The following COL23A1 variants were observed in gnomAD, a reference collection of about 807,000 sequenced individuals.
COL23A1 encodes the protein collagen alpha-1(XXIII) chain.
A neutral mutation model predicts 99.3 loss-of-function variants in COL23A1; 97 were observed. The ratio of observed to expected loss-of-function variants is 0.98; its 90% CI spans 0.83 to 1.16. COL23A1 has a LOEUF of 1.16. COL23A1 is among the 50% of genes most tolerant of loss of function. The pLI is 0.00. For synonymous variants in COL23A1, 320 were observed against 308.2 expected (o/e 1.04, Z -0.40); for missense variants, 762 against 757.4 (o/e 1.01, Z -0.07).
intron 2 of COL23A1, among the ~76,000 whole-genome samples, chr5:178,403,110 A>C: frequency 1.0e-5 from 1 of 99,504 alleles, no homozygotes; most frequent in Admixed American, 1.1e-4. Context: ...CTCCATCTCA[A>C]AAAAAAAAAA....
chr5:178,389,217 GC>G (rs888657575), intron 2 of COL23A1, among the ~76,000 whole-genome samples: 4 of 151,880 alleles, frequency 2.6e-5, no homozygotes. Context: ...AATTTTTGCT[GC>G]CTGGAAGCGG....
intron 3 of COL23A1, among the ~76,000 whole-genome samples, chr5:178,299,771 T>C (rs1757932350): frequency 6.6e-6 from 1 of 152,152 alleles, no homozygotes; most frequent in Admixed American, 6.5e-5. Context: ...CTTATTTATT[T>C]GAGACTGAGA....
chr5:178,304,507 A>C (rs909511418), intron 3 of COL23A1, among the ~76,000 whole-genome samples: 4 of 92,918 alleles, frequency 4.3e-5, no homozygotes, highest in African/African-American at 3.0e-4. Context: ...GACTGTCTCA[A>C]AAAAAAAAAA....
At chr5:178,518,437 C>T (rs551770917) in intron 2 of COL23A1, among the ~76,000 whole-genome samples, 8 of 150,534 alleles carry the variant, frequency 5.3e-5, no homozygotes, top group South Asian at 4.2e-4. Context: ...GGGTGGTGGC[C>T]GGGCAGAGGG....
At chr5:178,513,132 A>G (rs1759303898) in intron 2 of COL23A1, among the ~76,000 whole-genome samples, 1 of 150,770 alleles carries the variant, frequency 6.6e-6, no homozygotes, top group Non-Finnish European at 1.5e-5. Context: ...TGACCACCTC[A>G]TTCCAGAGGG....
chr5:178,348,382 G>C (rs1007538012), intron 2 of COL23A1, among the ~76,000 whole-genome samples: 1 of 152,278 alleles, frequency 6.6e-6, no homozygotes, highest in East Asian at 1.9e-4. Context: ...CAGGCAGAAG[G>C]CCACCCTAAA....
At chr5:178,330,093 G>C (rs1759926115) in intron 2 of COL23A1, among the ~76,000 whole-genome samples, 1 of 152,190 alleles carries the variant, frequency 6.6e-6, no homozygotes, top group African/African-American at 2.4e-5. Flanking sequence ...TCCCAGGAGG[G>C]AGAGTATTCA....
chr5:178,356,137 C>T lies in COL23A1; in HGVS notation c.362-49218G>A, dbSNP rs111543067. ...AGAAGACCCCAGGCTTAGGGCCCCA[C>T]TCTAAGAAATGTCCAGAATAGGCAA... On this transcript the variant is annotated intron_variant, in intron 2 of 28. Coordinates refer to ENST00000390654, the MANE Select transcript of COL23A1 (RefSeq NM_173465.4). Among the ~76,000 whole-genome samples the T allele has an allele frequency of 2.9e-3, 448 of 152,280 alleles. 2 individuals are homozygous for T. Among genetic ancestry groups the T allele is most frequent in the African/African-American group, 0.01 (419 of 41,560 alleles).
intron 2 of COL23A1, among the ~76,000 whole-genome samples, chr5:178,444,844 T>C (rs979092440): frequency 1.4e-4 from 21 of 152,190 alleles, no homozygotes; most frequent in African/African-American, 4.8e-4. Flanking sequence ...ACAAGTTCTT[T>C]AAGCCCTTTC....
chr5:178,280,057 T>C lies in COL23A1; in HGVS notation c.441+8267A>G, dbSNP rs1263598801. ...TAACGAGAACACAGTAAATACCCGC[T>C]GAATGGATCAACAACGGTGAAGGGA... On this transcript the variant is annotated intron_variant, in intron 5 of 28. Transcript: ENST00000390654. The surrounding 1 kb of genome is among the most constrained non-coding windows in gnomAD (Gnocchi z 4.9). Among the ~76,000 whole-genome samples, 1 of 152,242 alleles carries C rather than the reference T, an allele frequency of 6.6e-6. No individual in the cohort carries two copies. Among genetic ancestry groups the C allele is most frequent in the Non-Finnish European group, 1.5e-5 (1 of 68,042 alleles).
chr5:178,405,706 A>T (rs968709322), intron 2 of COL23A1, among the ~76,000 whole-genome samples: 1 of 152,238 alleles, frequency 6.6e-6, no homozygotes, highest in African/African-American at 2.4e-5. Flanking sequence ...AAATACAATT[A>T]CTTACACATT....
intron 9 of COL23A1, among the ~76,000 whole-genome samples, 168 bp downstream of exon 9, chr5:178,263,040 T>C (rs1765719232): frequency 6.6e-6 from 1 of 152,076 alleles, no homozygotes; most frequent in Non-Finnish European, 1.5e-5. Flanking sequence ...GAATTGGGGC[T>C]GGATCTTGGT....
rs543529363 is a variant in COL23A1 at position 178,541,494 on chromosome 5, G to GA, written c.361+19187dup. The stretch of plus-strand genomic sequence containing the variant: ...GGAGGCTGAGGCAGGAGAATCGCTG[G>GA]AACCCAGGAGGTGGAGGTTGCAGTG... On this transcript the variant is annotated intron_variant, in intron 2 of 28. Transcript: ENST00000390654. 1.5e-3 allele frequency among the ~76,000 whole-genome samples: 223 copies of GA among 152,262 alleles called. 1 individual carries two copies. Among genetic ancestry groups the GA allele is most frequent in the Non-Finnish European group, 2.6e-3 (180 of 68,022 alleles).
chr5:178,389,803 A>G (rs932721764), intron 2 of COL23A1, among the ~76,000 whole-genome samples: 4 of 152,292 alleles, frequency 2.6e-5, no homozygotes, highest in Admixed American at 6.5e-5. Flanking sequence ...GGGTATGAAT[A>G]TACAAAGCTG....
At chr5:178,363,496 G>A (rs1025524456) in intron 2 of COL23A1, among the ~76,000 whole-genome samples, 17 of 152,214 alleles carry the variant, frequency 1.1e-4, no homozygotes, top group Non-Finnish European at 1.0e-4. Flanking sequence ...AATTAGACTT[G>A]TGTGACTATT....
At chr5:178,511,201 C>T (rs1252625897) in intron 2 of COL23A1, among the ~76,000 whole-genome samples, 1 of 152,102 alleles carries the variant, frequency 6.6e-6, no homozygotes, top group African/African-American at 2.4e-5. Flanking sequence ...AAAGAAGATT[C>T]AAAGATCACC....
intron 1 of COL23A1, among the ~76,000 whole-genome samples, chr5:178,585,742 C>CTGGGGTAA (rs1562115662): frequency 5.5e-4 from 3 of 5,492 alleles, no homozygotes; most frequent in African/African-American, 7.1e-4. Flanking sequence ...ACAGCCCTGG[C>CTGGGGTAA]TGACCCTGTT....
intron 2 of COL23A1, among the ~76,000 whole-genome samples, chr5:178,322,309 T>C (rs1759371306): frequency 6.6e-6 from 1 of 152,162 alleles, no homozygotes; most frequent in South Asian, 2.1e-4. Context: ...ATTTTTTTTG[T>C]ATTTTAGTAG....
intron 10 of COL23A1, 29 bp downstream of exon 10, chr5:178,262,188 C>A: frequency 6.4e-7 from 1 of 1,571,344 alleles, no homozygotes; most frequent in African/African-American, 1.3e-5. Context: ...CCTAGCAGCC[C>A]AGGCCTCTGG....
Sources: gnomAD v4.1 joint callset for allele counts (sites outside exome capture counted in the v4.1 genomes callset) on GRCh38, gnomAD v4.1.1 for gene constraint, Gnocchi (gnomAD v3.1) non-coding constraint, MANE v1.5 for transcripts, NCBI Gene and HGNC (gene_info 2026-07-23, HGNC 2026-07-21) for gene names.